TAFA2: variants seen among roughly 807,000 people sequenced by gnomAD.
TAFA2 encodes the protein TAFA chemokine like family member 2.
In TAFA2, 7 loss-of-function variants were observed where a neutral mutation model predicts 18.8. The ratio of observed to expected loss-of-function variants is 0.37; its 90% CI spans 0.21 to 0.70. The LOEUF (loss-of-function observed/expected upper bound fraction) is 0.70. Ranked by LOEUF, TAFA2 falls within the 30% of genes least tolerant of loss-of-function variation. The probability of loss-of-function intolerance (pLI) is 0.53; values close to 1 mark genes in which losing one functional copy is unlikely to be tolerated. For synonymous variants in TAFA2, 60 were observed against 54.2 expected, an observed-to-expected ratio of 1.11 and a Z score of -0.47; for missense variants, 122 against 158.1, an observed-to-expected ratio of 0.77 and a Z score of 1.23.
intron 1 of TAFA2, among the ~76,000 whole-genome samples, chr12:62,228,870 T>C (rs2062799822): frequency 2.0e-5 from 3 of 152,208 alleles, no homozygotes; most frequent in Admixed American, 1.3e-4. Flanking sequence ...CTTCTATATT[T>C]ATACACCCTC....
At chr12:62,178,313 A>T (rs10877806) in intron 1 of TAFA2, among the ~76,000 whole-genome samples, 133,596 of 152,150 alleles carry the variant, frequency 0.88, 58,756 homozygotes, top group Middle Eastern at 0.93. Context: ...AAAATATGAA[A>T]AAAGAAAGAG....
intron 2 of TAFA2, among the ~76,000 whole-genome samples, chr12:61,755,799 C>G (rs1869237224): frequency 1.3e-5 from 2 of 151,976 alleles, no homozygotes; most frequent in Non-Finnish European, 2.9e-5. Flanking sequence ...AATTTTGGAC[C>G]TTACTCATCA....
chr12:62,217,832 A>T (rs1438876854), intron 1 of TAFA2, among the ~76,000 whole-genome samples: 2 of 152,162 alleles, frequency 1.3e-5, no homozygotes, highest in Non-Finnish European at 2.9e-5. Flanking sequence ...CTTTTTTCCC[A>T]AGCAAACATA....
chr12:62,040,935 A>AT (rs1881740856), intron 1 of TAFA2, among the ~76,000 whole-genome samples: 1 of 152,184 alleles, frequency 6.6e-6, no homozygotes. Context: ...TCAACAGGCC[A>AT]TGTGATTAGG....
chr12:61,963,496 T>G (rs538183458), intron 1 of TAFA2, among the ~76,000 whole-genome samples: 2 of 152,132 alleles, frequency 1.3e-5, no homozygotes, highest in East Asian at 3.9e-4. Context: ...AATGTCTTCT[T>G]TTGAGAAGTG....
At chr12:62,233,066 C>CTTTTTTTTTTTTTTTTTT (rs34781688) in intron 1 of TAFA2, among the ~76,000 whole-genome samples, 2 of 39,534 alleles carry the variant, frequency 5.1e-5, no homozygotes, top group South Asian at 1.6e-3. Context: ...TTCTGCATCT[C>CTTTTTTTTTTTTTTTTTT]TTTTTTTTTT....
chr12:62,004,790 G>A (rs568834899), intron 1 of TAFA2, among the ~76,000 whole-genome samples: 8 of 152,094 alleles, frequency 5.3e-5, no homozygotes, highest in South Asian at 2.1e-4. Context: ...AGTGTCTATC[G>A]ACGGGTGAAT....
chr12:62,097,457 T>C (rs1017205412), intron 1 of TAFA2, among the ~76,000 whole-genome samples: 1 of 152,034 alleles, frequency 6.6e-6, no homozygotes, highest in African/African-American at 2.4e-5. Flanking sequence ...TGGAAATAGG[T>C]TGGTAAACGG....
chr12:61,793,881 C>T (rs12312789), intron 2 of TAFA2, among the ~76,000 whole-genome samples: 4,027 of 151,808 alleles, frequency 0.027, 180 homozygotes, highest in African/African-American at 0.091. Context: ...AACGATAACA[C>T]AAAGTGACCA....
At chr12:62,119,107 T>C (rs1415995259) in intron 1 of TAFA2, among the ~76,000 whole-genome samples, 1 of 152,174 alleles carries the variant, frequency 6.6e-6, no homozygotes, top group East Asian at 1.9e-4. Flanking sequence ...GAGTTGTTTT[T>C]TCATGTAGTG....
chr12:62,147,242 ATGTATATATGTATG>A (rs1173129857), intron 1 of TAFA2, among the ~76,000 whole-genome samples: 2 of 147,794 alleles, frequency 1.4e-5, no homozygotes, highest in African/African-American at 5.0e-5. Context: ...ATATATATAT[ATGTATATATGTATG>A]TGTATATATA....
intron 1 of TAFA2, among the ~76,000 whole-genome samples, chr12:62,157,866 T>C (rs1451822445): frequency 2.0e-5 from 3 of 152,196 alleles, no homozygotes; most frequent in Non-Finnish European, 4.4e-5. Context: ...GATTAGACTA[T>C]AACCTCCACA....
At chr12:61,719,750 G>C (rs1349193229) in intron 4 of TAFA2, among the ~76,000 whole-genome samples, 3 of 152,144 alleles carry the variant, frequency 2.0e-5, no homozygotes, top group African/African-American at 7.2e-5. Flanking sequence ...TTACACACCT[G>C]TCTGAATGAA....
intron 1 of TAFA2, among the ~76,000 whole-genome samples, chr12:62,082,819 A>G (rs1410893096): frequency 1.3e-5 from 2 of 152,256 alleles, no homozygotes; most frequent in Admixed American, 6.5e-5. Context: ...TTTAAAATAT[A>G]GCCTCTAAGA....
intron 4 of TAFA2, among the ~76,000 whole-genome samples, chr12:61,712,916 A>G (rs1419999307): frequency 1.3e-5 from 2 of 152,150 alleles, no homozygotes; most frequent in Admixed American, 1.3e-4. Context: ...AAGATCAAGT[A>G]TTATAATGTT....
Position 62,003,369 on chromosome 12 carries a change from G to C in TAFA2, c.-1-135943C>G, listed in dbSNP as rs141671083. On this transcript the variant is annotated intron_variant, in intron 1 of 4. Coordinates refer to ENST00000416284, the MANE Select transcript of TAFA2 (RefSeq NM_178539.5). Reference sequence around the variant, plus strand: ...CTAACTCAATCCAGGAAGTTAAACTGGGCCCCTCACTGTTCCTCTATCCCA... The same window carrying C: ...CTAACTCAATCCAGGAAGTTAAACTCGGCCCCTCACTGTTCCTCTATCCCA... 1.8e-3 allele frequency among the ~76,000 whole-genome samples: 278 copies of C among 152,108 alleles called. 2 individuals carry two copies. Among genetic ancestry groups the C allele is most frequent in the South Asian group, 0.017 (84 of 4,816 alleles).
chr12:61,878,360 G>A (rs1192284975), intron 1 of TAFA2, among the ~76,000 whole-genome samples: 1 of 152,118 alleles, frequency 6.6e-6, no homozygotes, highest in African/African-American at 2.4e-5. Flanking sequence ...AATGGCAAGA[G>A]TCGTAATGGG....
At chr12:61,755,520 A>G (rs1368577268) in intron 2 of TAFA2, among the ~76,000 whole-genome samples, 3 of 152,092 alleles carry the variant, frequency 2.0e-5, no homozygotes, top group African/African-American at 7.2e-5. Flanking sequence ...CATGCTCAGT[A>G]TTCTTCTGCT....
In TAFA2 at chr12:62,098,322, A is replaced by C. The variant is rs1869036075; in HGVS notation, c.-2+92937T>G. 2.0e-5 allele frequency among the ~76,000 whole-genome samples: 3 copies of C among 152,260 alleles called. No homozygotes were observed. The South Asian group carries it at 6.2e-4, about 32-fold the overall frequency. On this transcript the variant is annotated intron_variant, in intron 1 of 4. Coordinates refer to ENST00000416284, the MANE Select transcript of TAFA2 (RefSeq NM_178539.5). ...GGCTAGCAAGCTTTCTCATCATCTC[A>C]ACAGGCACATGACCAAGGCTGGCCA...
Sources: allele counts gnomAD v4.1 joint callset (sites outside exome capture counted in the v4.1 genomes callset), GRCh38; gene constraint gnomAD v4.1.1; transcripts MANE v1.5; gene names NCBI Gene and HGNC (gene_info 2026-07-23, HGNC 2026-07-21).